PRRC2C: variants seen among roughly 807,000 people sequenced by gnomAD.
PRRC2C encodes the protein protein PRRC2C.
In PRRC2C, 72 loss-of-function variants were observed where a neutral mutation model predicts 317.2. That is an observed-to-expected ratio of 0.23 (90% CI 0.19 to 0.28). The LOEUF (loss-of-function observed/expected upper bound fraction) is 0.28. Ranked by LOEUF, PRRC2C falls within the 10% of genes least tolerant of loss-of-function variation. The pLI, the probability that PRRC2C is intolerant of heterozygous loss-of-function variation, is 1.00. For missense variants in PRRC2C, 3,074 were observed against 3,459.7 expected (o/e 0.89, Z 2.80); for synonymous variants, 1,296 against 1,205.9 (o/e 1.07, Z -1.55).
rs372417883 is a variant in PRRC2C, at chr1:171,570,604, A to G, written c.6652-716A>G. On this transcript the variant is annotated intron_variant, in intron 23 of 34. Coordinates refer to ENST00000647382, the MANE Select transcript of PRRC2C (RefSeq NM_001387844.1). ...AACCATCCAAAACGTAATACATAAT[A>G]AAGTCCCAAGATCCAGAGATAAAGG... Among the ~76,000 whole-genome samples the G allele has an allele frequency of 5.3e-5, 8 of 152,314 alleles. 1 individual carries two copies. The East Asian group carries it at 1.2e-3, about 22-fold the overall frequency.
chr1:171,537,605 G>T (rs760580516), intron 15 of PRRC2C, 132 bp downstream of exon 15: 57 of 829,350 alleles, frequency 6.9e-5, no homozygotes, highest in Non-Finnish European at 1.0e-4. Context: ...AATTTAGCAT[G>T]CTACGCTTAC....
Position 171,537,453 on chromosome 1 carries a change from A to C in PRRC2C, c.2484A>C (p.Thr828=). ...AACAAGCAACTACTCCCAAAGCAACAGAAGAGCCTGAGGATGTAAGGTAAT... is the reference window on the plus strand; with the variant it reads ...AACAAGCAACTACTCCCAAAGCAACCGAAGAGCCTGAGGATGTAAGGTAAT... The part of the protein sequence containing the change: ...EPQQATTPKA[T]EEPEDVRSEA... Residue 828 remains threonine, a synonymous_variant, in exon 15 of 35, where the codon ACA becomes ACC. Transcript: ENST00000647382. The C allele has an allele frequency of 6.3e-7, 1 of 1,576,306 alleles. No individual in the cohort carries two copies. Among genetic ancestry groups the C allele is most frequent in the South Asian group, 1.2e-5 (1 of 85,838 alleles).
intron 17 of PRRC2C, among the ~76,000 whole-genome samples, chr1:171,546,093 G>C (rs1169078453): frequency 6.6e-6 from 1 of 152,136 alleles, no homozygotes; most frequent in Non-Finnish European, 1.5e-5. Flanking sequence ...TATGTCCTTG[G>C]TAAAATTGGT....
chr1:171,513,194 A>G, intron 3 of PRRC2C, 22 bp downstream of exon 3: 1 of 1,591,524 alleles, frequency 6.3e-7, no homozygotes, highest in Non-Finnish European at 8.6e-7. Context: ...TCTGTTAAAG[A>G]ATGAAGCCCT....
intron 3 of PRRC2C, among the ~76,000 whole-genome samples, chr1:171,514,251 A>AGT (rs758313835): frequency 1.5e-3 from 202 of 131,840 alleles, no homozygotes; most frequent in Admixed American, 2.4e-3. Flanking sequence ...TTTAATTAAA[A>AGT]GTGTGTGTGT....
At chr1:171,489,341 T>G (rs1235843215) in intron 1 of PRRC2C, among the ~76,000 whole-genome samples, 1 of 152,254 alleles carries the variant, frequency 6.6e-6, no homozygotes, top group Non-Finnish European at 1.5e-5. Context: ...AGATTGAAGA[T>G]TCTTTTAATT....
chr1:171,588,785 G>T (rs1271511709), intron 33 of PRRC2C, among the ~76,000 whole-genome samples: 1 of 152,146 alleles, frequency 6.6e-6, no homozygotes, highest in African/African-American at 2.4e-5. Flanking sequence ...TTAAGGAGTT[G>T]ACTTTTCAGC....
Position 171,557,531 on chromosome 1 carries a change from C to T in PRRC2C, c.5419C>T (p.Pro1807Ser), listed in dbSNP as rs866338361. The T allele has an allele frequency of 3.9e-6, 6 of 1,551,524 alleles. No individual in the cohort carries two copies. The highest frequency in any genetic ancestry group is 2.4e-5 in the East Asian group (1 of 40,918). ...ASTSAPVPASPLAPVSASASV... is the reference protein window; with the variant it reads ...ASTSAPVPASSLAPVSASASV... ...AACCTCAGCTCCAGTTCCAGCCTCA[C>T]CCTTAGCTCCAGTTTCAGCCTCAGC... is the stretch of plus-strand genomic sequence containing the variant. Residue 1807 changes from proline to serine, a missense_variant, in exon 19 of 35, where the codon CCC becomes TCC. Pro to Ser is a moderately conservative substitution (Grantham distance 74). Transcript: ENST00000647382.
At chr1:171,583,674 T>C (rs1024201847) in intron 28 of PRRC2C, among the ~76,000 whole-genome samples, 1 of 152,230 alleles carries the variant, frequency 6.6e-6, no homozygotes, top group Admixed American at 6.5e-5. Context: ...CTGTTAGGAC[T>C]GTAGGTGTAG....
At chr1:171,492,404 A>T (rs1414835162) in intron 1 of PRRC2C, among the ~76,000 whole-genome samples, 1 of 151,978 alleles carries the variant, frequency 6.6e-6, no homozygotes, top group African/African-American at 2.4e-5. Flanking sequence ...AGAAAGAAAA[A>T]GAAGGAGTTG....
At chr1:171,528,838 G>A (rs1267937076) in intron 11 of PRRC2C, among the ~76,000 whole-genome samples, 1 of 151,882 alleles carries the variant, frequency 6.6e-6, no homozygotes, top group Non-Finnish European at 1.5e-5. Context: ...TAGAGACAGG[G>A]TCTTGCTTTG....
chr1:171,573,250 G>A lies in PRRC2C; in HGVS notation c.6754-1677G>A, dbSNP rs564946838. ...GTACTTTTAGTTTCACTGAATTTCC[G>A]AAAATAAAAACTTCAAATTATCTTT... On this transcript the variant is annotated intron_variant, in intron 24 of 34. Transcript: ENST00000647382. 2.0e-5 allele frequency among the ~76,000 whole-genome samples: 3 copies of A among 152,196 alleles called. No individual in the cohort carries two copies. In the South Asian group the frequency reaches 6.2e-4, roughly 32 times the overall value.
rs760294821 is a variant in PRRC2C, at chr1:171,540,151, T to G, written c.2685T>G (p.Ser895=). The G allele has an allele frequency of 6.2e-6, 10 of 1,613,850 alleles. No homozygotes were observed. In the Admixed American group the frequency reaches 1.2e-4, roughly 19 times the overall value. The part of the protein sequence containing the change: ...RPHHTDANNQ[S]ACFEAPDQKT... ...ACCATACTGATGCAAATAATCAGTC[T>G]GCTTGTTTTGAAGCACCTGATCAAA... is the stretch of plus-strand genomic sequence containing the variant. Residue 895 remains serine (S), a synonymous_variant, in exon 16 of 35, where the codon TCT becomes TCG. Coordinates refer to ENST00000647382, the MANE Select transcript of PRRC2C (RefSeq NM_001387844.1).
intron 1 of PRRC2C, among the ~76,000 whole-genome samples, chr1:171,487,580 C>T (rs1666359352): frequency 6.6e-6 from 1 of 152,040 alleles, no homozygotes; most frequent in African/African-American, 2.4e-5. Context: ...CTAACTCTAC[C>T]ATGTCGTAGA....
chr1:171,528,643 C>T (rs1191020477), intron 11 of PRRC2C, among the ~76,000 whole-genome samples: 1 of 152,106 alleles, frequency 6.6e-6, no homozygotes, highest in Non-Finnish European at 1.5e-5. Flanking sequence ...GCTGCTCATT[C>T]TCTCATTAGC....
intron 15 of PRRC2C, 57 bp downstream of exon 15, chr1:171,537,530 T>C (rs1677053525): frequency 1.4e-6 from 2 of 1,419,642 alleles, no homozygotes; most frequent in Non-Finnish European, 1.9e-6. Context: ...AAAGGAAAAC[T>C]GTGTAGTGTT....
intron 30 of PRRC2C, 60 bp from the exon 31 acceptor site, chr1:171,586,943 T>C: frequency 1.6e-6 from 2 of 1,234,308 alleles, no homozygotes; most frequent in East Asian, 5.0e-5. Flanking sequence ...TATAGTTGTA[T>C]GGATATGTCT....
chr1:171,541,059 G>A lies in PRRC2C; in HGVS notation c.3593G>A (p.Arg1198Lys). ...RGRGRGEYYS[R>K]GRSYRGSYGG... ...CGAGGCCGAGGTGAATATTACTCCA[G>A]AGGTCGAAGCTATAGAGGTTCTTAT... Residue 1198 changes from arginine to lysine, a missense_variant, in exon 16 of 35, where the codon AGA (arginine) becomes AAA (lysine). Transcript: ENST00000647382. The surrounding 1 kb of genome is among the most constrained non-coding windows in gnomAD (Gnocchi z 4.1). The A allele has an allele frequency of 4.3e-6, 7 of 1,613,162 alleles. No individual in the cohort carries two copies. The highest frequency in any genetic ancestry group is 5.9e-6 in the Non-Finnish European group (7 of 1,179,628).
At chr1:171,576,203 G>T (rs1419005186) in intron 25 of PRRC2C, among the ~76,000 whole-genome samples, 2 of 152,204 alleles carry the variant, frequency 1.3e-5, no homozygotes, top group East Asian at 1.9e-4. Context: ...ACTTTGGGAT[G>T]GGGGGGTTAG....
Sources: gnomAD v4.1 joint callset for allele counts (sites outside exome capture counted in the v4.1 genomes callset) on GRCh38, gnomAD v4.1.1 for gene constraint, Gnocchi (gnomAD v3.1) non-coding constraint, MANE v1.5 for transcripts, NCBI Gene and HGNC (gene_info 2026-07-23, HGNC 2026-07-21) for gene names.